Variants in RNFT2 observed in about 807,000 individuals in gnomAD.
RNFT2 encodes the protein ring finger protein, transmembrane 2.
Under a neutral mutation model 53.0 loss-of-function variants are expected in RNFT2, and 36 were observed. The observed-to-expected ratio is 0.68, with a 90% CI of 0.52 to 0.90. The LOEUF is 0.90. RNFT2 is among the 40% of genes least tolerant of loss of function. RNFT2 has a pLI of 0.00. For missense variants in RNFT2, 514 were observed against 585.6 expected (o/e 0.88, Z 1.26); for synonymous variants, 260 against 253.2 (o/e 1.03, Z -0.26).
At chr12:116,776,017 T>C (rs1344846113) in intron 6 of RNFT2, among the ~76,000 whole-genome samples, 1 of 151,710 alleles carries the variant, frequency 6.6e-6, no homozygotes, top group Non-Finnish European at 1.5e-5. Context: ...CACTCCAGCC[T>C]GGGCAACAGA....
At chr12:116,834,935 C>T (rs1263732486) in intron 8 of RNFT2, among the ~76,000 whole-genome samples, 1 of 151,430 alleles carries the variant, frequency 6.6e-6, no homozygotes, top group East Asian at 1.9e-4. Flanking sequence ...TTGCAACCTC[C>T]GCCTCCCGGG....
chr12:116,830,408 C>T (rs1876579406), intron 7 of RNFT2, among the ~76,000 whole-genome samples: 2 of 152,258 alleles, frequency 1.3e-5, no homozygotes, highest in Admixed American at 1.3e-4. Flanking sequence ...CCACCTCAGC[C>T]TCTCAAGTAG....
At chr12:116,798,673 AT>A (rs1874624032) in intron 7 of RNFT2, among the ~76,000 whole-genome samples, 1 of 151,950 alleles carries the variant, frequency 6.6e-6, no homozygotes, top group Admixed American at 6.6e-5. Context: ...GGCTGAAGTG[AT>A]TCTCCCGCCT....
In RNFT2 at chr12:116,806,428, A is replaced by T. The variant is rs1001266786; in HGVS notation, c.882+27080A>T. Among the ~76,000 whole-genome samples, 5 of 151,576 alleles carry T rather than the reference A, an allele frequency of 3.3e-5. No homozygotes were observed. In the South Asian group the frequency reaches 6.3e-4, roughly 19 times the overall value. ...TAGATAGATAGATAGATAGATAGAT[A>T]GATTCATCTAGTTTAATCTAGTAAA... On this transcript the variant is annotated intron_variant, in intron 7 of 10. Transcript: ENST00000257575.
intron 3 of RNFT2, among the ~76,000 whole-genome samples, chr12:116,746,441 A>G (rs1467395012): frequency 1.3e-5 from 2 of 152,176 alleles, no homozygotes; most frequent in African/African-American, 2.4e-5. Flanking sequence ...GCTGTGATCA[A>G]TCCTGTGCAG....
rs1566066807 is a variant in RNFT2 at position 116,743,247 on chromosome 12, G to GAAAAAAAAAAAAA, written c.83+2153_83+2154insAAAAAAAAAAAAA. On this transcript the variant is annotated intron_variant, in intron 3 of 10. Transcript: ENST00000257575. ...AAAAAAAAAAAAAAAAAAAAAAACC[G>GAAAAAAAAAAAAA]GTTAAAAAACACTCATGAGCTAGAA... Among the ~76,000 whole-genome samples, 7 of 61,576 alleles carry GAAAAAAAAAAAAA rather than the reference G, an allele frequency of 1.1e-4. 1 individual carries two copies. Among genetic ancestry groups the GAAAAAAAAAAAAA allele is most frequent in the African/African-American group, 2.7e-4 (5 of 18,594 alleles). The allele number at this position is 61,576 out of a possible 152,430, so 40.4% of individuals were successfully genotyped here.
chr12:116,763,849 T>A (rs1336479493), intron 5 of RNFT2, among the ~76,000 whole-genome samples: 2 of 151,864 alleles, frequency 1.3e-5, no homozygotes, highest in African/African-American at 4.8e-5. Context: ...ATCCTACTAC[T>A]AGGCATCTAC....
At position 116,752,808 on chromosome 12, in the gene RNFT2, G is replaced by C. The variant is rs554729108; in HGVS notation, c.551-1176G>C. Among the ~76,000 whole-genome samples, 256 of 152,298 alleles carry C rather than the reference G, an allele frequency of 1.7e-3. 15 individuals are homozygous for C. In the South Asian group the frequency reaches 0.051, roughly 31 times the overall value. ...CACAAGAATCACTTGAACCCAGGAG[G>C]TGGAGGTTGCAGTGAGCTGAGATCG... On this transcript the variant is annotated intron_variant, in intron 4 of 10. Transcript: ENST00000257575.
intron 10 of RNFT2, among the ~76,000 whole-genome samples, chr12:116,846,437 A>ATTTTTTTTTTTTTTTTTTT (rs35922781): frequency 9.6e-6 from 1 of 104,396 alleles, no homozygotes; most frequent in African/African-American, 3.8e-5. Flanking sequence ...TGCCCAGCTA[A>ATTTTTTTTTTTTTTTTTTT]TTTTTTTTTT....
intron 5 of RNFT2, among the ~76,000 whole-genome samples, chr12:116,765,158 C>T (rs1158525754): frequency 6.6e-6 from 1 of 152,168 alleles, no homozygotes; most frequent in Non-Finnish European, 1.5e-5. Context: ...CCTCCTTTGT[C>T]CTTCAGTTTC....
chr12:116,771,997 C>T (rs1004989770), intron 6 of RNFT2, among the ~76,000 whole-genome samples: 3 of 152,282 alleles, frequency 2.0e-5, no homozygotes, highest in African/African-American at 4.8e-5. Context: ...TGCCAGCCTC[C>T]GATGTTTTTT....
In RNFT2 at chr12:116,750,112, G is replaced by T; in HGVS notation, c.355G>T (p.Gly119Cys). ...HRQPHHHFHH[G>C]GHRGGSLLQH... is the part of the protein sequence containing the mutation. ...CCAGCCCCACCACCATTTCCACCAT[G>T]GCGGCCACCGCGGGGGCTCCCTGCT... is the stretch of plus-strand genomic sequence containing the variant. The change falls in exon 4 of 11, where the codon GGC (glycine) becomes TGC (cysteine). Residue 119 changes from glycine (G) to cysteine (C), a missense_variant. Coordinates refer to ENST00000257575, the MANE Select transcript of RNFT2 (RefSeq NM_001382266.1). 1 of 1,561,830 alleles carries T rather than the reference G, an allele frequency of 6.4e-7. No individual in the cohort carries two copies. The highest frequency in any genetic ancestry group is 8.6e-7 in the Non-Finnish European group (1 of 1,159,860).
intron 7 of RNFT2, among the ~76,000 whole-genome samples, chr12:116,789,199 G>A (rs1455575172): frequency 7.0e-6 from 1 of 142,296 alleles, no homozygotes; most frequent in African/African-American, 2.6e-5. Context: ...AGAGTGGTGG[G>A]TGGATGGATG....
chr12:116,770,807 C>T (rs1211689409), intron 6 of RNFT2, among the ~76,000 whole-genome samples: 3 of 152,164 alleles, frequency 2.0e-5, no homozygotes, highest in Non-Finnish European at 4.4e-5. Flanking sequence ...GATCCACCCA[C>T]CTCAGCCTCC....
chr12:116,845,757 T>G (rs1877580486), intron 10 of RNFT2, among the ~76,000 whole-genome samples: 3 of 152,078 alleles, frequency 2.0e-5, no homozygotes, highest in Non-Finnish European at 4.4e-5. Flanking sequence ...GAGAATCCAG[T>G]ATGGTCTTCG....
chr12:116,754,083 C>CGGA, intron 5 of RNFT2, 23 bp downstream of exon 5: 1 of 1,593,322 alleles, frequency 6.3e-7, no homozygotes, highest in Non-Finnish European at 8.6e-7. Flanking sequence ...CCGACCTAGT[C>CGGA]TCCTGTGGCT....
rs562908964 is a variant in RNFT2 at position 116,779,268 on chromosome 12, T to C, written c.802T>C (p.Phe268Leu). ...DLLWIVGIAD[F>L]VLKYITIALK... is the part of the protein sequence containing the mutation. The stretch of plus-strand genomic sequence containing the variant: ...GCTATGGATTGTGGGGATCGCAGAC[T>C]TTGTTCTGAAGTACATCACCATCGC... Residue 268 changes from phenylalanine to leucine, a missense_variant, in exon 7 of 11, where the codon TTT (phenylalanine) becomes CTT (leucine). Around this residue, in one of 3 missense-constraint regions of RNFT2, gnomAD observed 273 missense variants for 334.4 expected, o/e 0.82. Transcript: ENST00000257575. 1.9e-6 allele frequency: 3 copies of C among 1,614,004 alleles called. No homozygotes were observed. The African/African-American group carries it at 4.0e-5, about 22-fold the overall frequency.
chr12:116,800,596 T>C (rs1200614858), intron 7 of RNFT2, among the ~76,000 whole-genome samples: 3 of 151,030 alleles, frequency 2.0e-5, no homozygotes, highest in African/African-American at 7.3e-5. Context: ...ATAATGCCAC[T>C]GCCCTCCAGC....
At position 116,750,092 on chromosome 12, in the gene RNFT2, C is replaced by T. The variant is rs771241845; in HGVS notation, c.335C>T (p.Pro112Leu). Residue 112 changes from proline to leucine, a missense_variant, in exon 4 of 11, where the codon CCC becomes CTC. This residue lies in a region of RNFT2 where 237 missense variants were observed against 235.1 expected (regional missense o/e 1.01). Transcript: ENST00000257575. ...GGGGGCGCCTACCACCACCGCCAGC[C>T]CCACCACCATTTCCACCATGGCGGC... is the stretch of plus-strand genomic sequence containing the variant. The part of the protein sequence containing the change: ...GEGGAYHHRQ[P>L]HHHFHHGGHR... The T allele has an allele frequency of 3.2e-6, 5 of 1,553,720 alleles. No homozygotes were observed. Among genetic ancestry groups the T allele is most frequent in the Middle Eastern group, 1.7e-4 (1 of 5,938 alleles).
Sources: gnomAD v4.1 joint callset for allele counts (sites outside exome capture counted in the v4.1 genomes callset) on GRCh38, gnomAD v4.1.1 for gene constraint, gnomAD v4.1.1 regional missense constraint, MANE v1.5 for transcripts, NCBI Gene and HGNC (gene_info 2026-07-23, HGNC 2026-07-21) for gene names.